MYCBPAP: variants seen among roughly 807,000 people sequenced by gnomAD.
MYCBPAP encodes MYCBP associated protein, also known as MYCBP-associated protein.
In MYCBPAP, 60 loss-of-function variants were observed where a neutral mutation model predicts 106.1. That is an observed-to-expected ratio of 0.57 (90% CI 0.46 to 0.70). The LOEUF is 0.70. MYCBPAP is among the 30% of genes least tolerant of loss of function. The pLI is 0.00. For missense variants in MYCBPAP, 1,064 were observed against 1,169.3 expected (o/e 0.91, Z 1.31); for synonymous variants, 407 against 440.6 (o/e 0.92, Z 0.95).
intron 16 of MYCBPAP, 50 bp from the exon 17 acceptor site, chr17:50,528,645 C>T: frequency 1.3e-6 from 2 of 1,595,472 alleles, no homozygotes; most frequent in Non-Finnish European, 1.7e-6. Context: ...CTGCAGCATC[C>T]ACTAGGCTGT....
rs184452863 is a variant in MYCBPAP at position 50,531,317 on chromosome 17, G to A, written c.2725-10G>A. The A allele has an allele frequency of 1.5e-3, 2,469 of 1,602,684 alleles. No individual in the cohort carries two copies. The highest frequency in any genetic ancestry group is 1.9e-3 in the Non-Finnish European group (2,208 of 1,173,256). ...TAAACTCTGCCTGTGATGTTGTCCCGTTCTTCCAGGTCCGTGGGCTGCTGG... is the reference window on the plus strand; with the variant it reads ...TAAACTCTGCCTGTGATGTTGTCCCATTCTTCCAGGTCCGTGGGCTGCTGG... On this transcript the variant is annotated splice_polypyrimidine_tract_variant and intron_variant, in intron 18 of 18. Transcript: ENST00000323776.
chr17:50,510,499 G>GTGTGTA (rs1418345705), intron 1 of MYCBPAP: 33 of 76,420 alleles, frequency 4.3e-4, no homozygotes, highest in South Asian at 1.2e-3. Flanking sequence ...GTGTGTGTGT[G>GTGTGTA]TATATATATA....
chr17:50,519,317 G>T (rs1479346448), intron 6 of MYCBPAP: 1 of 587,484 alleles, frequency 1.7e-6, no homozygotes, highest in East Asian at 2.8e-5. Flanking sequence ...TATTAGAGTA[G>T]TCTTAGTGTT....
At chr17:50,527,696 A>T (rs1426545712) in intron 15 of MYCBPAP, among the ~76,000 whole-genome samples, 1 of 152,042 alleles carries the variant, frequency 6.6e-6, no homozygotes, top group Non-Finnish European at 1.5e-5. Flanking sequence ...CAGGAAGAAG[A>T]CGGGGGGCAG....
intron 13 of MYCBPAP, among the ~76,000 whole-genome samples, chr17:50,525,659 C>CTCTTTTTTTTTTTTTTTTT (rs57947501): frequency 4.6e-5 from 6 of 131,392 alleles, no homozygotes; most frequent in African/African-American, 1.7e-4. Flanking sequence ...GCTAATTTCT[C>CTCTTTTTTTTTTTTTTTTT]TTTTTTTTTT....
At chr17:50,519,547 G>A in intron 6 of MYCBPAP, 93 bp from the exon 7 acceptor site, 4 of 1,446,866 alleles carry the variant, frequency 2.8e-6, no homozygotes, top group Non-Finnish European at 3.8e-6. Flanking sequence ...GGAAGCATCT[G>A]TAGCCTGTGG....
rs372315534 is a variant in MYCBPAP at position 50,519,725 on chromosome 17, A to C, written c.854A>C (p.Gln285Pro). ...CTGGTCATGACCAAGACAAAAACTC[A>C]GCGTGGCCTCATGGAGCCCATCACT... ...TGLVMTKTKTQRGLMEPITHI... is the reference protein window; with the variant it reads ...TGLVMTKTKTPRGLMEPITHI... The change falls in exon 7 of 19, where the codon CAG becomes CCG. Residue 285 changes from glutamine (Q) to proline (P), a missense_variant. Transcript: ENST00000323776. 2 of 1,614,156 alleles carry C rather than the reference A, an allele frequency of 1.2e-6. No homozygotes were observed. The highest frequency in any genetic ancestry group is 1.7e-5 in the Admixed American group (1 of 60,024).
intron 10 of MYCBPAP, 41 bp downstream of exon 10, chr17:50,522,122 C>T: frequency 6.4e-7 from 1 of 1,552,146 alleles, no homozygotes; most frequent in Non-Finnish European, 8.9e-7. Context: ...GAGCCTCCCT[C>T]AGGGGTGCAG....
Position 50,526,155 on chromosome 17 carries a change from T to C in MYCBPAP, c.2057T>C (p.Met686Thr), listed in dbSNP as rs138160029. Residue 686 changes from methionine (M) to threonine (T), a missense_variant, in exon 14 of 19, where the codon ATG becomes ACG. Coordinates refer to ENST00000323776, the MANE Select transcript of MYCBPAP (RefSeq NM_032133.6). ...AAGAGTCCTCAGCGGAAGAGCATCATGGAGGAGATCCTGGTGGAGGAAAGC... is the reference window on the plus strand; with the variant it reads ...AAGAGTCCTCAGCGGAAGAGCATCACGGAGGAGATCCTGGTGGAGGAAAGC... ...GTKSPQRKSIMEEILVEESPD... is the reference protein window; with the variant it reads ...GTKSPQRKSITEEILVEESPD... 2.4e-5 allele frequency: 38 copies of C among 1,613,534 alleles called. No individual in the cohort carries two copies. Among genetic ancestry groups the C allele is most frequent in the Non-Finnish European group, 2.8e-5 (33 of 1,179,938 alleles).
Position 50,527,372 on chromosome 17 carries a change from C to G in MYCBPAP, c.2255C>G (p.Pro752Arg), listed in dbSNP as rs2034495854. 6 of 1,614,138 alleles carry G rather than the reference C, an allele frequency of 3.7e-6. No individual in the cohort carries two copies. The highest frequency in any genetic ancestry group is 5.1e-6 in the Non-Finnish European group (6 of 1,180,016). The stretch of plus-strand genomic sequence containing the variant: ...GCAGCCCTGGAGCTGTGCCAGAAGC[C>G]AAGGCCATTGCAGTCCAACCTCCTG... ...NKAALELCQKPRPLQSNLLHQ... is the reference protein window; with the variant it reads ...NKAALELCQKRRPLQSNLLHQ... Residue 752 changes from proline (P) to arginine (R), a missense_variant, in exon 15 of 19, where the codon CCA (proline) becomes CGA (arginine). Coordinates refer to ENST00000323776, the MANE Select transcript of MYCBPAP (RefSeq NM_032133.6).
intron 2 of MYCBPAP, 108 bp from the exon 3 acceptor site, chr17:50,517,185 A>T (rs543080412): frequency 1.0e-6 from 1 of 982,796 alleles, no homozygotes; most frequent in African/African-American, 1.6e-5. Context: ...GAAGAAACAG[A>T]TCTGTCAGCC....
At chr17:50,508,854 A>C (rs967379353) in intron 1 of MYCBPAP, 104 bp downstream of exon 1, 1 of 1,053,966 alleles carries the variant, frequency 9.5e-7, no homozygotes, top group African/African-American at 1.6e-5. Context: ...GGCACCAGGG[A>C]TGGAGGAAAG....
At chr17:50,530,198 A>C (rs1183991766) in intron 18 of MYCBPAP, 7 of 437,800 alleles carry the variant, frequency 1.6e-5, no homozygotes, top group South Asian at 1.1e-4. Context: ...TTTGATATTA[A>C]GAATCAACTT....
At chr17:50,514,550 C>T (rs983442824) in intron 1 of MYCBPAP, among the ~76,000 whole-genome samples, 8 of 152,166 alleles carry the variant, frequency 5.3e-5, no homozygotes, top group African/African-American at 1.9e-4. Flanking sequence ...AGTGTGTCCT[C>T]GTTGGAGAGT....
intron 1 of MYCBPAP, among the ~76,000 whole-genome samples, chr17:50,515,620 C>G (rs192969252): frequency 1.4e-4 from 21 of 152,248 alleles, no homozygotes; most frequent in Admixed American, 1.3e-3. Context: ...TCCCTAGGCC[C>G]TGGCTCCATG....
chr17:50,514,140 C>T (rs943867563), intron 1 of MYCBPAP, among the ~76,000 whole-genome samples: 6 of 152,190 alleles, frequency 3.9e-5, no homozygotes, highest in South Asian at 2.1e-4. Context: ...CCTCCCATCT[C>T]GGCCTCTCAA....
chr17:50,517,189 G>A (rs2034082159), intron 2 of MYCBPAP, 104 bp from the exon 3 acceptor site: 1 of 1,046,068 alleles, frequency 9.6e-7, no homozygotes, highest in Non-Finnish European at 1.5e-6. Context: ...AAACAGATCT[G>A]TCAGCCTTCA....
chr17:50,524,888 T>C lies in MYCBPAP; in HGVS notation c.1647T>C (p.Thr549=), dbSNP rs767777431. 2 of 1,613,574 alleles carry C rather than the reference T, an allele frequency of 1.2e-6. No homozygotes were observed. The highest frequency in any genetic ancestry group is 1.7e-6 in the Non-Finnish European group (2 of 1,179,770). The change falls in exon 13 of 19, where the codon ACT becomes ACC. Residue 549 remains threonine, a synonymous_variant. Transcript: ENST00000323776. The stretch of plus-strand genomic sequence containing the variant: ...CTTCCCTTTTGCAGAGCAAGCTGAC[T>C]GCCCATGAGGCAGTCACCGTCGTTC... ...DERKVLESKL[T]AHEAVTVVRE... is the part of the protein sequence containing the mutation.
chr17:50,510,569 G>A (rs2033810943), intron 1 of MYCBPAP: 4 of 138,970 alleles, frequency 2.9e-5, no homozygotes, highest in South Asian at 2.4e-4. Context: ...TCTGTCACCC[G>A]GGATGGAGTG....
Sources: gnomAD v4.1 joint callset for allele counts (sites outside exome capture counted in the v4.1 genomes callset) on GRCh38, gnomAD v4.1.1 for gene constraint, MANE v1.5 for transcripts, NCBI Gene and HGNC (gene_info 2026-07-23, HGNC 2026-07-21) for gene names.